CDC42BPA: variants seen among roughly 807,000 people sequenced by gnomAD.
The protein encoded by CDC42BPA is CDC42 binding protein kinase alpha, also known as serine/threonine-protein kinase MRCK alpha.
Under a neutral mutation model 223.5 loss-of-function variants are expected in CDC42BPA, and 80 were observed. The ratio of observed to expected loss-of-function variants is 0.36; its 90% CI spans 0.30 to 0.43. The LOEUF (loss-of-function observed/expected upper bound fraction) is 0.43, where lower values mean the gene tolerates loss of function less well. Among genes scored for constraint, CDC42BPA ranks in the 20% least tolerant of loss-of-function variants. The pLI, the probability that CDC42BPA is intolerant of heterozygous loss-of-function variation, is 1.00. For synonymous variants in CDC42BPA, 694 were observed against 718.6 expected (o/e 0.97, Z 0.55); for missense variants, 1,743 against 2,099.9 (o/e 0.83, Z 3.32).
Position 227,245,284 on chromosome 1 carries a change from C to CTTTTT in CDC42BPA, c.270+8775_270+8779dup, listed in dbSNP as rs759666049. ...GAGTAAAGAGGACTTTGTCTTGCAT[C>CTTTTT]TTTTTTTTTTTTTTTTTTTTTTTGA... On this transcript the variant is annotated intron_variant, in intron 2 of 36. Transcript: ENST00000366766. Among the ~76,000 whole-genome samples, 85 of 81,780 alleles carry CTTTTT rather than the reference C, an allele frequency of 1.0e-3. 3 individuals carry two copies. The highest frequency in any genetic ancestry group is 1.6e-3 in the South Asian group (4 of 2,450). The allele number at this position is 81,780 out of a possible 152,430, so 53.7% of individuals were successfully genotyped here.
intron 3 of CDC42BPA, among the ~76,000 whole-genome samples, chr1:227,208,676 C>A (rs1479515262): frequency 6.7e-6 from 1 of 150,340 alleles, no homozygotes; most frequent in African/African-American, 2.4e-5. Context: ...AGATATGTGG[C>A]ATTATTTCTG....
chr1:227,277,930 T>C (rs930012868), intron 1 of CDC42BPA, among the ~76,000 whole-genome samples: 5 of 152,064 alleles, frequency 3.3e-5, no homozygotes, highest in East Asian at 3.8e-4. Context: ...TTTGTATTTT[T>C]AGTAGAGACG....
intron 2 of CDC42BPA, among the ~76,000 whole-genome samples, chr1:227,244,076 T>G (rs1313413475): frequency 1.3e-5 from 2 of 151,524 alleles, no homozygotes; most frequent in East Asian, 3.9e-4. Flanking sequence ...CTTTATACAC[T>G]GTTGACGGGA....
chr1:227,156,691 T>C (rs188118807), intron 6 of CDC42BPA, among the ~76,000 whole-genome samples: 9 of 152,310 alleles, frequency 5.9e-5, no homozygotes, highest in Non-Finnish European at 1.3e-4. Flanking sequence ...ATATTACTCA[T>C]GCATTCTGGA....
chr1:227,198,150 CT>C (rs2150197410), intron 4 of CDC42BPA, among the ~76,000 whole-genome samples: 1 of 152,060 alleles, frequency 6.6e-6, no homozygotes, highest in East Asian at 1.9e-4. Flanking sequence ...TCTATTTAAT[CT>C]TTAAAAATGT....
At chr1:227,087,529 A>G (rs755031468) in intron 16 of CDC42BPA, among the ~76,000 whole-genome samples, 8 of 152,192 alleles carry the variant, frequency 5.3e-5, no homozygotes, top group Non-Finnish European at 8.8e-5. Context: ...CTATTCCTCT[A>G]TAAGTTTAAG....
chr1:227,081,068 G>C, intron 16 of CDC42BPA, 51 bp from the exon 17 acceptor site: 4 of 1,596,142 alleles, frequency 2.5e-6, no homozygotes, highest in Non-Finnish European at 3.4e-6. Flanking sequence ...AGAATTCGAG[G>C]TGTTCAGACA....
At chr1:227,164,502 TA>T (rs560335907) in intron 5 of CDC42BPA, among the ~76,000 whole-genome samples, 1 of 151,508 alleles carries the variant, frequency 6.6e-6, no homozygotes. Context: ...TCTGTCTCTA[TA>T]AAAAAAAATA....
Position 227,100,994 on chromosome 1 carries a change from T to C in CDC42BPA, c.2247A>G (p.Glu749=). ...LKDKLEKTRR[E]SQSEREEFES... is the part of the protein sequence containing the mutation. ...ATAGTAAATAATGTGATTCTTACCT[T>C]TCTCTTCTGGTTTTTTCCAATTTGT... Residue 749 remains glutamate (E), a splice_region_variant and synonymous_variant, in exon 15 of 37, where the codon GAA becomes GAG. Transcript: ENST00000366766. The C allele has an allele frequency of 6.8e-7, 1 of 1,480,018 alleles. No homozygotes were observed. Among genetic ancestry groups the C allele is most frequent in the Non-Finnish European group, 9.4e-7 (1 of 1,067,256 alleles). The allele number at this position is 1,480,018 out of a possible 1,614,324, so 91.7% of individuals were successfully genotyped here. A position where few individuals can be genotyped will look rare whatever the true frequency, so the allele number is the denominator to read the frequency against.
chr1:227,026,033 C>T, intron 31 of CDC42BPA, 22 bp downstream of exon 31: 1 of 1,351,818 alleles, frequency 7.4e-7, no homozygotes, highest in Non-Finnish European at 1.1e-6. Context: ...TTGGCTTAGC[C>T]CACATTTTAA....
chr1:227,249,226 C>G (rs879313149), intron 2 of CDC42BPA, among the ~76,000 whole-genome samples: 67 of 152,224 alleles, frequency 4.4e-4, no homozygotes, highest in Non-Finnish European at 6.2e-4. Context: ...ACTGGATAAC[C>G]ATATGCAGAA....
At chr1:227,207,598 G>A (rs901303993) in intron 3 of CDC42BPA, among the ~76,000 whole-genome samples, 2 of 146,378 alleles carry the variant, frequency 1.4e-5, no homozygotes, top group Non-Finnish European at 3.0e-5. Flanking sequence ...TCCCACCAAT[G>A]AGTAAGAATA....
chr1:227,011,458 C>T (rs1277996849), intron 34 of CDC42BPA, among the ~76,000 whole-genome samples: 1 of 152,120 alleles, frequency 6.6e-6, no homozygotes, highest in Non-Finnish European at 1.5e-5. Flanking sequence ...GAACCTACAA[C>T]AGCTTCTAAA....
At chr1:227,268,250 T>C (rs888001369) in intron 1 of CDC42BPA, among the ~76,000 whole-genome samples, 2 of 152,176 alleles carry the variant, frequency 1.3e-5, no homozygotes, top group African/African-American at 4.8e-5. Flanking sequence ...TGTTTTCGTT[T>C]GCTTTCACGA....
chr1:227,064,678 A>T (rs922264872), intron 21 of CDC42BPA, among the ~76,000 whole-genome samples: 10 of 152,192 alleles, frequency 6.6e-5, no homozygotes, highest in African/African-American at 2.4e-4. Context: ...TGAGGGTAGA[A>T]GTGGGAATAA....
chr1:227,103,408 A>C (rs1685377894), intron 14 of CDC42BPA, among the ~76,000 whole-genome samples: 1 of 152,094 alleles, frequency 6.6e-6, no homozygotes, highest in African/African-American at 2.4e-5. Context: ...GAAACCTACA[A>C]GTCTTGAAAC....
rs182323205 is a variant in CDC42BPA at position 227,295,974 on chromosome 1, C to T, written c.178+21031G>A. ...ATCGGGTTTTGTTAATAAAGAAGAGCCCTAACAAAATTCCAACAGCCTTTT... is the reference window on the plus strand; with the variant it reads ...ATCGGGTTTTGTTAATAAAGAAGAGTCCTAACAAAATTCCAACAGCCTTTT... On this transcript the variant is annotated intron_variant, in intron 1 of 36. Coordinates refer to ENST00000366766, the MANE Select transcript of CDC42BPA (RefSeq NM_001394014.1). Among the ~76,000 whole-genome samples the T allele has an allele frequency of 6.6e-5, 10 of 152,250 alleles. No homozygotes were observed. The East Asian group carries it at 1.9e-3, about 29-fold the overall frequency.
rs562654634 is a variant in CDC42BPA at position 227,218,156 on chromosome 1, T to C, written c.271-4937A>G. 1.1e-4 allele frequency among the ~76,000 whole-genome samples: 16 copies of C among 152,308 alleles called. No homozygotes were observed. In the East Asian group the frequency reaches 3.1e-3, roughly 29 times the overall value. ...CAGCATCAATATTCTCAGCTGCAAG[T>C]ATACAACTAAACTGACACTAAAACT... On this transcript the variant is annotated intron_variant, in intron 2 of 36. Transcript: ENST00000366766.
chr1:227,191,345 C>CAAAAAAAAAAAAAA (rs71281008), intron 5 of CDC42BPA, among the ~76,000 whole-genome samples: 4 of 136,162 alleles, frequency 2.9e-5, no homozygotes, highest in Non-Finnish European at 3.2e-5. Context: ...AACTCTGTCT[C>CAAAAAAAAAAAAAA]AAAAAAAAGA....
Sources: gnomAD v4.1 joint callset for allele counts (sites outside exome capture counted in the v4.1 genomes callset) on GRCh38, gnomAD v4.1.1 for gene constraint, MANE v1.5 for transcripts, NCBI Gene and HGNC (gene_info 2026-07-23, HGNC 2026-07-21) for gene names.